The following ESYT2 variants were observed in gnomAD, a reference collection of about 807,000 sequenced individuals.
ESYT2 encodes the protein extended synaptotagmin 2.
A neutral mutation model predicts 107.2 loss-of-function variants in ESYT2; 54 were observed. The observed-to-expected ratio is 0.50, with a 90% CI of 0.40 to 0.63. The LOEUF (loss-of-function observed/expected upper bound fraction) is 0.63, where lower values mean the gene tolerates loss of function less well. Among genes scored for constraint, ESYT2 ranks in the 30% least tolerant of loss-of-function variants. The probability of loss-of-function intolerance (pLI) is 0.00; values close to 1 mark genes in which losing one functional copy is unlikely to be tolerated. For missense variants in ESYT2, 1,020 were observed against 1,094.5 expected (o/e 0.93, Z 0.96); for synonymous variants, 491 against 434.1 (o/e 1.13, Z -1.63).
chr7:158,757,661 C>G (rs985303184), intron 13 of ESYT2, among the ~76,000 whole-genome samples: 19 of 152,208 alleles, frequency 1.2e-4, no homozygotes, highest in African/African-American at 4.6e-4. Context: ...CCAGGCACCC[C>G]GCGGCTCTGC....
At chr7:158,795,377 A>T in intron 3 of ESYT2, among the ~76,000 whole-genome samples, 1 of 152,272 alleles carries the variant, frequency 6.6e-6, no homozygotes, top group East Asian at 1.9e-4. Context: ...GATGGAACTC[A>T]AACATAATTA....
intron 11 of ESYT2, 68 bp from the exon 12 acceptor site, chr7:158,760,215 C>T (rs769567498): frequency 5.6e-6 from 8 of 1,431,274 alleles, no homozygotes; most frequent in Non-Finnish European, 7.9e-6. Flanking sequence ...TAAACCCAGT[C>T]TCTACAAATG....
At chr7:158,784,874 T>A (rs73729992) in intron 6 of ESYT2, among the ~76,000 whole-genome samples, 1 of 152,002 alleles carries the variant, frequency 6.6e-6, no homozygotes, top group Non-Finnish European at 1.5e-5. Context: ...GCTGGAAGAC[T>A]CCAAAAGTTG....
At position 158,732,072 on chromosome 7, in the gene ESYT2, A is replaced by G. The variant is rs3763406; in HGVS notation, c.*2135T>C. 38,956 of 152,010 alleles carry G rather than the reference A, an allele frequency of 0.26. 6,094 individuals carry two copies. Among genetic ancestry groups the G allele is most frequent in the East Asian group, 0.6 (3,100 of 5,150 alleles). The allele number at this position is 152,010 out of a possible 1,614,324, so 9.4% of individuals were successfully genotyped here. On this transcript the variant is annotated 3_prime_UTR_variant, in exon 23 of 23. Transcript: ENST00000275418. ...CACTTCCTCTGGGCTTTGTACCTTT[A>G]ATTGTGTCTACTCTGCCTAAGTGCT...
intron 1 of ESYT2, among the ~76,000 whole-genome samples, chr7:158,817,498 T>C (rs560221994): frequency 6.6e-6 from 1 of 152,400 alleles, no homozygotes; most frequent in African/African-American, 2.4e-5. Flanking sequence ...GCTGAACGAA[T>C]GTACCCGCTT....
At chr7:158,810,804 G>C (rs1225472693) in intron 1 of ESYT2, among the ~76,000 whole-genome samples, 1 of 152,146 alleles carries the variant, frequency 6.6e-6, no homozygotes, top group Non-Finnish European at 1.5e-5. Context: ...GGGTAGGCGT[G>C]ACAGGGAGAG....
chr7:158,735,693 T>A, intron 20 of ESYT2, 85 bp from the exon 21 acceptor site: 1 of 1,096,500 alleles, frequency 9.1e-7, no homozygotes, highest in Non-Finnish European at 1.4e-6. Context: ...GCTCATGAGA[T>A]CATTCCAAAT....
intron 18 of ESYT2, among the ~76,000 whole-genome samples, chr7:158,740,489 C>T (rs1460800396): frequency 3.9e-5 from 6 of 152,266 alleles, no homozygotes; most frequent in East Asian, 1.9e-4. Context: ...TTGCATGTCC[C>T]GTCTCAAAGC....
intron 6 of ESYT2, among the ~76,000 whole-genome samples, chr7:158,778,991 G>A (rs1838669997): frequency 6.6e-6 from 1 of 152,090 alleles, no homozygotes; most frequent in African/African-American, 2.4e-5. Context: ...TTAAAGGCCT[G>A]GGAGGGCACT....
chr7:158,774,708 T>C (rs1053987150), intron 6 of ESYT2, among the ~76,000 whole-genome samples: 5 of 152,190 alleles, frequency 3.3e-5, no homozygotes, highest in Non-Finnish European at 7.3e-5. Flanking sequence ...GTTCTGAAGG[T>C]TGTTACTTCT....
At chr7:158,778,107 A>G (rs1166681788) in intron 6 of ESYT2, among the ~76,000 whole-genome samples, 1 of 152,232 alleles carries the variant, frequency 6.6e-6, no homozygotes, top group African/African-American at 2.4e-5. Flanking sequence ...ACTTTAAGAA[A>G]AAAACCACCT....
intron 6 of ESYT2, among the ~76,000 whole-genome samples, chr7:158,780,981 TGAGA>T (rs913287251): frequency 8.5e-5 from 13 of 152,054 alleles, no homozygotes; most frequent in Non-Finnish European, 1.3e-4. Flanking sequence ...TAAATCTATG[TGAGA>T]AAGAGGGACA....
At chr7:158,793,610 G>T (rs368815568) in intron 4 of ESYT2, 40 bp downstream of exon 4, 3 of 1,434,362 alleles carry the variant, frequency 2.1e-6, no homozygotes, top group African/African-American at 1.4e-5. Flanking sequence ...GACATTACAC[G>T]CCATTAACCA....
intron 19 of ESYT2, among the ~76,000 whole-genome samples, chr7:158,737,736 T>C (rs1475223018): frequency 1.3e-5 from 2 of 152,254 alleles, no homozygotes. Flanking sequence ...AGTGATGTAC[T>C]GAACTCTACA....
At chr7:158,801,735 T>C (rs1839653858) in intron 1 of ESYT2, among the ~76,000 whole-genome samples, 1 of 152,162 alleles carries the variant, frequency 6.6e-6, no homozygotes, top group African/African-American at 2.4e-5. Flanking sequence ...CATTGTACGA[T>C]TATTCACGTT....
At chr7:158,814,957 G>A (rs1414927741) in intron 1 of ESYT2, among the ~76,000 whole-genome samples, 1 of 152,216 alleles carries the variant, frequency 6.6e-6, no homozygotes, top group Non-Finnish European at 1.5e-5. Context: ...AGAGAGCAGA[G>A]AATGCAAGGG....
chr7:158,795,100 C>T (rs139979534), intron 3 of ESYT2, among the ~76,000 whole-genome samples: 111 of 152,320 alleles, frequency 7.3e-4, no homozygotes, highest in Non-Finnish European at 1.3e-3. Flanking sequence ...TGGGCATTAC[C>T]TAATGAAGGA....
intron 18 of ESYT2, among the ~76,000 whole-genome samples, chr7:158,740,409 A>G (rs1342747394): frequency 6.6e-6 from 1 of 152,220 alleles, no homozygotes; most frequent in Non-Finnish European, 1.5e-5. Flanking sequence ...TTAAAACCAC[A>G]CAGTGTCCTT....
chr7:158,790,658 G>C (rs1413552778), intron 4 of ESYT2, among the ~76,000 whole-genome samples: 1 of 152,180 alleles, frequency 6.6e-6, no homozygotes, highest in African/African-American at 2.4e-5. Context: ...TGGGCATGGT[G>C]GCTCATGCCT....
Sources: gnomAD v4.1 joint callset for allele counts (sites outside exome capture counted in the v4.1 genomes callset) on GRCh38, gnomAD v4.1.1 for gene constraint, MANE v1.5 for transcripts, NCBI Gene and HGNC (gene_info 2026-07-23, HGNC 2026-07-21) for gene names.